Variants in NKAIN3 observed in about 807,000 individuals in gnomAD.
The protein encoded by NKAIN3 is sodium/potassium-transporting ATPase subunit beta-1-interacting protein 3.
NKAIN3 carries 25 observed loss-of-function variants against 30.2 expected under a neutral mutation model. The ratio of observed to expected loss-of-function variants is 0.83; its 90% confidence interval spans 0.60 to 1.16. The LOEUF is 1.16. Among genes scored for constraint, NKAIN3 ranks in the 50% most tolerant of loss-of-function variants. NKAIN3 has a pLI of 0.00. For synonymous variants in NKAIN3, 91 were observed against 89.6 expected (o/e 1.02, Z -0.09); for missense variants, 225 against 254.1 (o/e 0.89, Z 0.78).
In NKAIN3 at chr8:62,312,162, G is replaced by A. The variant is rs190378916; in HGVS notation, c.54+63035G>A. ...GAACTACATAAGATTTCTGACTTTC[G>A]AAGACTTCCTTCATGTCTTTTTGAA... On this transcript the variant is annotated intron_variant, in intron 1 of 6. Coordinates refer to ENST00000623646, the MANE Select transcript of NKAIN3 (RefSeq NM_001304533.3). Among the ~76,000 whole-genome samples, 5 of 150,392 alleles carry A rather than the reference G, an allele frequency of 3.3e-5. 1 individual carries two copies. Among genetic ancestry groups the A allele is most frequent in the African/African-American group, 1.3e-4 (5 of 39,910 alleles).
chr8:62,863,742 T>C, intron 4 of NKAIN3: 1 of 1,596,962 alleles, frequency 6.3e-7, no homozygotes, highest in Non-Finnish European at 8.6e-7. Flanking sequence ...GCAACAAATC[T>C]TTTCCCCTAC....
chr8:62,408,533 T>G (rs918516822), intron 1 of NKAIN3, among the ~76,000 whole-genome samples: 21 of 152,210 alleles, frequency 1.4e-4, no homozygotes, highest in Non-Finnish European at 2.8e-4. Context: ...TAAAGTTCAA[T>G]TGCATTTAGC....
rs74618516 is a variant in NKAIN3 at position 62,968,832 on chromosome 8, T to TTTTCTTTA, written c.*3429_*3436dup. ...AAGCTGGGATGCTTTCGAGCTTACTTTTTCTTTATTTGAGCTTCTGGTCAT... is the reference window on the plus strand; with the variant it reads ...AAGCTGGGATGCTTTCGAGCTTACTTTTTCTTTATTTCTTTATTTGAGCTTCTGGTCAT... On this transcript the variant is annotated 3_prime_UTR_variant, in exon 7 of 7. Coordinates refer to ENST00000623646, the MANE Select transcript of NKAIN3 (RefSeq NM_001304533.3). Among the ~76,000 whole-genome samples, 9,934 of 152,142 alleles carry TTTTCTTTA rather than the reference T, an allele frequency of 0.065. 360 individuals carry two copies. Among genetic ancestry groups the TTTTCTTTA allele is most frequent in the South Asian group, 0.098 (472 of 4,814 alleles).
rs1339856503 is a variant in NKAIN3, at chr8:62,455,783, G to T, written c.55-123756G>T. 2.0e-5 allele frequency among the ~76,000 whole-genome samples: 3 copies of T among 152,176 alleles called. No individual in the cohort carries two copies. The South Asian group carries it at 6.2e-4, about 31-fold the overall frequency. ...CACACACACAAAAATAAAATTGCAA[G>T]CTTGTTAGCCTCAAATAAATTAACT... is the stretch of plus-strand genomic sequence containing the variant. On this transcript the variant is annotated intron_variant, in intron 1 of 6. Transcript: ENST00000623646.
chr8:62,346,560 C>T (rs1816013508), intron 1 of NKAIN3, among the ~76,000 whole-genome samples: 1 of 152,038 alleles, frequency 6.6e-6, no homozygotes, highest in Admixed American at 6.6e-5. Flanking sequence ...CATATACATG[C>T]AGAAGAAATG....
intron 1 of NKAIN3, among the ~76,000 whole-genome samples, chr8:62,456,020 A>G (rs1805807809): frequency 6.6e-6 from 1 of 152,212 alleles, no homozygotes; most frequent in Admixed American, 6.5e-5. Context: ...GCTGGACAAA[A>G]GGATGATTCA....
At chr8:62,267,663 G>T (rs371553418) in intron 1 of NKAIN3, among the ~76,000 whole-genome samples, 1 of 152,138 alleles carries the variant, frequency 6.6e-6, no homozygotes, top group African/African-American at 2.4e-5. Context: ...CCTAACAGTT[G>T]TTCAATAGGT....
intron 1 of NKAIN3, among the ~76,000 whole-genome samples, chr8:62,317,198 C>A (rs575003300): frequency 1.3e-5 from 2 of 152,206 alleles, no homozygotes; most frequent in African/African-American, 4.8e-5. Context: ...AAGTGGATTG[C>A]AAAAATTTTC....
intron 1 of NKAIN3, among the ~76,000 whole-genome samples, chr8:62,452,752 G>C (rs1357461770): frequency 6.6e-6 from 1 of 151,956 alleles, no homozygotes; most frequent in East Asian, 1.9e-4. Flanking sequence ...GTGGTATATG[G>C]CTTATTTTTA....
At chr8:62,707,056 TACACACACACACACAC>T (rs35879987) in intron 3 of NKAIN3, among the ~76,000 whole-genome samples, 1 of 143,310 alleles carries the variant, frequency 7.0e-6, no homozygotes, top group South Asian at 2.2e-4. Context: ...CATACATACA[TACACACACACACACAC>T]ACACACACAC....
intron 3 of NKAIN3, among the ~76,000 whole-genome samples, chr8:62,673,301 T>C (rs1030674924): frequency 4.6e-5 from 7 of 152,246 alleles, no homozygotes; most frequent in African/African-American, 1.7e-4. Context: ...TGAAAAGTAT[T>C]AATTTAGTTT....
intron 5 of NKAIN3, among the ~76,000 whole-genome samples, chr8:62,919,908 T>G (rs1563628280): frequency 1.3e-5 from 1 of 75,074 alleles, no homozygotes; most frequent in Non-Finnish European, 3.2e-5. Context: ...TACACAGAGT[T>G]TTTTTTTTTT....
At position 62,746,957 on chromosome 8, in the gene NKAIN3, T is replaced by C. The variant is rs368818581; in HGVS notation, c.299T>C (p.Ile100Thr). 6.8e-6 allele frequency: 11 copies of C among 1,612,498 alleles called. No individual in the cohort carries two copies. Among genetic ancestry groups the C allele is most frequent in the Non-Finnish European group, 8.5e-6 (10 of 1,178,694 alleles). ...GACACCGATCTAATGACATTCAATA[T>C]CTCTGTACATCGGTCATGGTGGAGA... The part of the protein sequence containing the change: ...SKDTDLMTFN[I>T]SVHRSWWREH... The change falls in exon 4 of 7, where the codon ATC becomes ACC. Residue 100 changes from isoleucine to threonine, a missense_variant. By Grantham distance (89) the Ile-to-Thr change is moderately conservative (BLOSUM62 -1). Coordinates refer to ENST00000623646, the MANE Select transcript of NKAIN3 (RefSeq NM_001304533.3).
intron 1 of NKAIN3, among the ~76,000 whole-genome samples, chr8:62,421,200 C>G (rs1804628346): frequency 6.6e-6 from 1 of 152,126 alleles, no homozygotes; most frequent in South Asian, 2.1e-4. Flanking sequence ...CAGAAAGCAT[C>G]AGCTCTCCTG....
At chr8:62,777,506 C>T (rs1817227638) in intron 4 of NKAIN3, among the ~76,000 whole-genome samples, 1 of 152,062 alleles carries the variant, frequency 6.6e-6, no homozygotes, top group Non-Finnish European at 1.5e-5. Flanking sequence ...CATCCATATG[C>T]CAGACATTTT....
intron 1 of NKAIN3, among the ~76,000 whole-genome samples, chr8:62,449,128 T>G (rs1050693524): frequency 6.6e-6 from 1 of 151,998 alleles, no homozygotes; most frequent in Non-Finnish European, 1.5e-5. Flanking sequence ...TTTAATGTAG[T>G]ATTAGACAGC....
At chr8:62,534,977 T>G (rs1405252641) in intron 1 of NKAIN3, among the ~76,000 whole-genome samples, 5 of 152,052 alleles carry the variant, frequency 3.3e-5, no homozygotes, top group African/African-American at 1.2e-4. Context: ...CTCTATCCAT[T>G]GCAGATGTAT....
chr8:62,309,266 T>TA (rs1309623270), intron 1 of NKAIN3, among the ~76,000 whole-genome samples: 1 of 150,514 alleles, frequency 6.6e-6, no homozygotes, highest in Non-Finnish European at 1.5e-5. Context: ...AGTGTAACAT[T>TA]AAAAAAAGAT....
chr8:62,774,541 T>C (rs1179289262), intron 4 of NKAIN3, among the ~76,000 whole-genome samples: 2 of 152,210 alleles, frequency 1.3e-5, no homozygotes, highest in Non-Finnish European at 2.9e-5. Flanking sequence ...TAGCTGTATG[T>C]GTGTCAAATA....
Sources: gnomAD v4.1 joint callset for allele counts (sites outside exome capture counted in the v4.1 genomes callset) on GRCh38, gnomAD v4.1.1 for gene constraint, MANE v1.5 for transcripts, NCBI Gene and HGNC (gene_info 2026-07-23, HGNC 2026-07-21) for gene names.